MARCHF1: variants seen among roughly 807,000 people sequenced by gnomAD.
The protein encoded by MARCHF1 is membrane associated ring-CH-type finger 1, also known as E3 ubiquitin-protein ligase MARCHF1.
Under a neutral mutation model 54.2 loss-of-function variants are expected in MARCHF1, and 40 were observed. The ratio of observed to expected loss-of-function variants is 0.74; its 90% CI spans 0.57 to 0.96. The LOEUF is 0.96. MARCHF1 is among the 40% of genes least tolerant of loss of function. MARCHF1 has a pLI of 0.00. For synonymous variants in MARCHF1, 236 were observed against 236.3 expected (o/e 1.00, Z 0.01); for missense variants, 586 against 656.5 (o/e 0.89, Z 1.17).
chr4:164,065,073 T>C (rs1754698727), intron 2 of MARCHF1, among the ~76,000 whole-genome samples: 1 of 152,210 alleles, frequency 6.6e-6, no homozygotes. Context: ...TGAGTATTTT[T>C]GCATCAACGT....
intron 5 of MARCHF1, among the ~76,000 whole-genome samples, chr4:163,674,514 G>C (rs17473787): frequency 6.6e-6 from 1 of 151,956 alleles, no homozygotes; most frequent in African/African-American, 2.4e-5. Context: ...GAAGTGAAAA[G>C]GACCGATGAG....
intron 4 of MARCHF1, among the ~76,000 whole-genome samples, chr4:163,800,280 A>T (rs930779107): frequency 2.0e-5 from 3 of 151,982 alleles, no homozygotes; most frequent in Non-Finnish European, 4.4e-5. Flanking sequence ...AAAATCAGAA[A>T]AAGGAAATGT....
chr4:163,774,662 T>C (rs1434025987), intron 4 of MARCHF1, among the ~76,000 whole-genome samples: 1 of 152,040 alleles, frequency 6.6e-6, no homozygotes, highest in African/African-American at 2.4e-5. Context: ...GCCCAGCTAA[T>C]TTTTTCTATT....
chr4:164,139,231 T>A (rs1756468014), intron 1 of MARCHF1, among the ~76,000 whole-genome samples: 1 of 152,060 alleles, frequency 6.6e-6, no homozygotes, highest in African/African-American at 2.4e-5. Context: ...GGAAATGCAG[T>A]GTTCTTTACT....
At chr4:164,152,887 C>A (rs572418020) in intron 1 of MARCHF1, among the ~76,000 whole-genome samples, 1 of 152,150 alleles carries the variant, frequency 6.6e-6, no homozygotes, top group African/African-American at 2.4e-5. Context: ...GTCCACCCCC[C>A]ACCCACCCCA....
At chr4:163,978,798 C>A (rs1752700290) in intron 3 of MARCHF1, among the ~76,000 whole-genome samples, 1 of 152,042 alleles carries the variant, frequency 6.6e-6, no homozygotes, top group African/African-American at 2.4e-5. Context: ...CAGTGGCTCA[C>A]TGCAGCCTCC....
At position 163,750,958 on chromosome 4, in the gene MARCHF1, C is replaced by T. The variant is rs1279064641; in HGVS notation, c.112-50095G>A. 5.9e-5 allele frequency among the ~76,000 whole-genome samples: 9 copies of T among 151,960 alleles called. No individual in the cohort carries two copies. In the East Asian group the frequency reaches 1.7e-3, roughly 29 times the overall value. On this transcript the variant is annotated intron_variant, in intron 4 of 9. Coordinates refer to ENST00000514618, the MANE Select transcript of MARCHF1 (RefSeq NM_001394959.1). ...GATGTAAAGGAAAAAAATTATTGAA[C>T]TTTAGCATCAATTCATGATAAAAAT...
intron 4 of MARCHF1, among the ~76,000 whole-genome samples, chr4:163,745,668 C>A (rs1579251251): frequency 1.3e-5 from 2 of 152,210 alleles, no homozygotes; most frequent in Middle Eastern, 3.4e-3. Context: ...ATTGCTCATC[C>A]AACAACATGC....
chr4:163,917,952 T>C (rs183674785), intron 3 of MARCHF1, among the ~76,000 whole-genome samples: 55 of 152,292 alleles, frequency 3.6e-4, no homozygotes, highest in Admixed American at 3.0e-3. Context: ...GGTGATTTCA[T>C]CATGAAATCT....
intron 1 of MARCHF1, among the ~76,000 whole-genome samples, chr4:164,320,300 G>A (rs1336436472): frequency 6.6e-6 from 1 of 152,176 alleles, no homozygotes; most frequent in Admixed American, 6.6e-5. Flanking sequence ...TCTGCCAGGT[G>A]ATGGTTCCCA....
chr4:163,889,981 G>A (rs1251179011), intron 3 of MARCHF1, among the ~76,000 whole-genome samples: 1 of 138,592 alleles, frequency 7.2e-6, no homozygotes, highest in Non-Finnish European at 1.5e-5. Flanking sequence ...CTGGAGTGCA[G>A]TGGCACTGTT....
At chr4:164,213,100 A>G (rs1560956597) in intron 1 of MARCHF1, among the ~76,000 whole-genome samples, 2 of 151,926 alleles carry the variant, frequency 1.3e-5, no homozygotes, top group Non-Finnish European at 1.5e-5. Flanking sequence ...TGCTTATGTC[A>G]TATATGTATT....
intron 5 of MARCHF1, among the ~76,000 whole-genome samples, chr4:163,648,169 G>C (rs1262419425): frequency 6.6e-6 from 1 of 151,744 alleles, no homozygotes; most frequent in African/African-American, 2.4e-5. Context: ...CTTTCCATTA[G>C]GGATTCAAGT....
intron 3 of MARCHF1, among the ~76,000 whole-genome samples, chr4:163,893,189 G>C (rs1479477375): frequency 6.6e-6 from 1 of 151,936 alleles, no homozygotes; most frequent in African/African-American, 2.4e-5. Context: ...ACCCAGGCTG[G>C]GATGCAGTGG....
At chr4:163,742,492 C>G (rs1033722974) in intron 4 of MARCHF1, among the ~76,000 whole-genome samples, 1 of 141,784 alleles carries the variant, frequency 7.1e-6, no homozygotes, top group Admixed American at 7.3e-5. Context: ...TTTCTTTTTT[C>G]TTGAGACAGG....
At chr4:163,539,803 A>G (rs1014127115) in intron 9 of MARCHF1, among the ~76,000 whole-genome samples, 3 of 152,212 alleles carry the variant, frequency 2.0e-5, no homozygotes, top group Non-Finnish European at 2.9e-5. Context: ...AATTATGTAT[A>G]TTGTATTTGT....
At chr4:164,170,731 G>A (rs1034981727) in intron 1 of MARCHF1, among the ~76,000 whole-genome samples, 5 of 152,026 alleles carry the variant, frequency 3.3e-5, no homozygotes, top group African/African-American at 1.2e-4. Context: ...CTGATTAGAA[G>A]AAATTATACT....
rs888393622 is a variant in MARCHF1, at chr4:163,527,626, C to CTAACT, written c.*1117_*1121dup. On this transcript the variant is annotated 3_prime_UTR_variant, in exon 10 of 10. Transcript: ENST00000514618. Reference sequence around the variant, plus strand: ...AATTTAATGCTTTTAAAAATCATAACTAACTTTTGTGACTTTGAAATAAAA... The same window carrying CTAACT: ...AATTTAATGCTTTTAAAAATCATAACTAACTTAACTTTTGTGACTTTGAAATAAAA... The CTAACT allele has an allele frequency of 4.1e-5, 4 of 97,616 alleles. No homozygotes were observed. The highest frequency in any genetic ancestry group is 1.3e-4 in the Admixed American group (1 of 7,436). 6.0% of individuals were successfully genotyped at this position (97,616 alleles called of 1,614,324 possible). A position where few individuals can be genotyped will look rare whatever the true frequency, so the allele number is the denominator to read the frequency against.
At chr4:164,055,782 T>A (rs964999370) in intron 2 of MARCHF1, among the ~76,000 whole-genome samples, 1 of 152,192 alleles carries the variant, frequency 6.6e-6, no homozygotes, top group African/African-American at 2.4e-5. Context: ...CACAATACTT[T>A]CCATCCTCTT....
Sources: gnomAD v4.1 joint callset for allele counts (sites outside exome capture counted in the v4.1 genomes callset) on GRCh38, gnomAD v4.1.1 for gene constraint, MANE v1.5 for transcripts, NCBI Gene and HGNC (gene_info 2026-07-23, HGNC 2026-07-21) for gene names.